Variants in NRXN3 observed in about 807,000 individuals in gnomAD.
NRXN3 encodes neurexin III.
Under a neutral mutation model 137.6 loss-of-function variants are expected in NRXN3, and 32 were observed. The ratio of observed to expected loss-of-function variants is 0.23; its 90% CI spans 0.18 to 0.31. The LOEUF (loss-of-function observed/expected upper bound fraction) is 0.31, where lower values mean the gene tolerates loss of function less well. NRXN3 is among the 10% of genes least tolerant of loss of function. The pLI, the probability that NRXN3 is intolerant of heterozygous loss-of-function variation, is 1.00. For synonymous variants in NRXN3, 798 were observed against 784.5 expected, an observed-to-expected ratio of 1.02 and a Z score of -0.29; for missense variants, 1,574 against 2,062.5, an observed-to-expected ratio of 0.76 and a Z score of 4.59.
At chr14:79,850,173 T>C (rs1250291791) in intron 20 of NRXN3, among the ~76,000 whole-genome samples, 1 of 152,218 alleles carries the variant, frequency 6.6e-6, no homozygotes, top group Non-Finnish European at 1.5e-5. Flanking sequence ...TAGGTATTTG[T>C]TATGCCAACT....
At chr14:78,286,454 T>C (rs1350066575) in intron 3 of NRXN3, among the ~76,000 whole-genome samples, 5 of 152,082 alleles carry the variant, frequency 3.3e-5, no homozygotes, top group Admixed American at 3.3e-4. Context: ...TGGGACAGCC[T>C]TGGAGACCCT....
intron 10 of NRXN3, among the ~76,000 whole-genome samples, chr14:78,948,721 G>A (rs775435689): frequency 3.5e-4 from 51 of 147,750 alleles, no homozygotes; most frequent in Non-Finnish European, 5.9e-4. Context: ...GAAAGCCCAG[G>A]TTATACTCTT....
intron 16 of NRXN3, among the ~76,000 whole-genome samples, chr14:79,644,659 G>A (rs2098446111): frequency 7.4e-6 from 1 of 136,026 alleles, no homozygotes; most frequent in East Asian, 1.9e-4. Context: ...TCTATCGAAG[G>A]TTTTTAAGAT....
chr14:79,255,269 C>G (rs1355809447), intron 15 of NRXN3, among the ~76,000 whole-genome samples: 2 of 152,240 alleles, frequency 1.3e-5, no homozygotes, highest in African/African-American at 4.8e-5. Context: ...GGCATTTCCA[C>G]AGTATTCTAG....
intron 4 of NRXN3, among the ~76,000 whole-genome samples, chr14:78,450,161 A>G (rs1049752848): frequency 2.6e-5 from 4 of 152,238 alleles, no homozygotes; most frequent in Non-Finnish European, 5.9e-5. Context: ...GGGTATAGGT[A>G]TTAGAGGTGT....
chr14:78,320,388 C>T (rs553847913), intron 4 of NRXN3, among the ~76,000 whole-genome samples: 2 of 152,244 alleles, frequency 1.3e-5, no homozygotes, highest in East Asian at 3.9e-4. Context: ...GTGGAGTGGG[C>T]GTTAATCTCC....
intron 19 of NRXN3, among the ~76,000 whole-genome samples, chr14:79,725,409 G>A (rs2098878813): frequency 6.6e-6 from 1 of 152,152 alleles, no homozygotes; most frequent in Non-Finnish European, 1.5e-5. Flanking sequence ...CTTACCATCA[G>A]TGTGGTTTCC....
intron 10 of NRXN3, among the ~76,000 whole-genome samples, chr14:78,898,156 A>G (rs1390829456): frequency 1.3e-5 from 2 of 151,914 alleles, no homozygotes; most frequent in Non-Finnish European, 2.9e-5. Flanking sequence ...GGATTTCTAA[A>G]TGGAGTCAGC....
intron 20 of NRXN3, among the ~76,000 whole-genome samples, chr14:79,858,141 ACT>A (rs2099406686): frequency 7.2e-6 from 1 of 138,788 alleles, no homozygotes; most frequent in African/African-American, 2.7e-5. Flanking sequence ...AAATGTGGTT[ACT>A]CTTTTTTTTT....
At chr14:79,366,101 C>T (rs2093883509) in intron 15 of NRXN3, among the ~76,000 whole-genome samples, 1 of 151,968 alleles carries the variant, frequency 6.6e-6, no homozygotes, top group South Asian at 2.1e-4. Context: ...GGGTTCAGTC[C>T]GGGATACTTG....
chr14:78,869,526 A>G (rs2099096268), intron 10 of NRXN3, among the ~76,000 whole-genome samples: 1 of 152,110 alleles, frequency 6.6e-6, no homozygotes, highest in Admixed American at 6.6e-5. Flanking sequence ...TCTCATGATG[A>G]GCCATTCTGT....
chr14:78,202,610 G>C (rs1414272634), intron 1 of NRXN3, among the ~76,000 whole-genome samples: 1 of 152,160 alleles, frequency 6.6e-6, no homozygotes, highest in Non-Finnish European at 1.5e-5. Flanking sequence ...TGGGCTTTCT[G>C]TTTCTATGTG....
intron 15 of NRXN3, among the ~76,000 whole-genome samples, chr14:79,369,954 T>C (rs1190771863): frequency 6.6e-6 from 1 of 152,202 alleles, no homozygotes; most frequent in Non-Finnish European, 1.5e-5. Flanking sequence ...CAGTACACTT[T>C]CCGTATATGG....
intron 1 of NRXN3, among the ~76,000 whole-genome samples, chr14:78,228,258 G>A (rs1487830486): frequency 6.7e-6 from 1 of 150,200 alleles, no homozygotes; most frequent in Admixed American, 6.7e-5. Flanking sequence ...CCAGGTTCAA[G>A]CGATTCTCCT....
chr14:79,061,937 C>T (rs1317116403), intron 15 of NRXN3, among the ~76,000 whole-genome samples: 1 of 152,170 alleles, frequency 6.6e-6, no homozygotes, highest in Non-Finnish European at 1.5e-5. Flanking sequence ...CCAGAGACTC[C>T]AGCTCCACTT....
intron 4 of NRXN3, among the ~76,000 whole-genome samples, chr14:78,571,179 GT>G (rs957516765): frequency 6.6e-6 from 1 of 152,180 alleles, no homozygotes; most frequent in Non-Finnish European, 1.5e-5. Context: ...ACTAATAATG[GT>G]TTTTAGAGCA....
intron 4 of NRXN3, among the ~76,000 whole-genome samples, chr14:78,492,378 A>G (rs1310857848): frequency 1.3e-5 from 2 of 152,224 alleles, no homozygotes. Flanking sequence ...AAGACATTCT[A>G]ACATTCTAAA....
rs538643957 is a variant in NRXN3, at chr14:79,057,319, A to G, written c.3262+69178A>G. Among the ~76,000 whole-genome samples the G allele has an allele frequency of 3.9e-5, 6 of 152,328 alleles. No individual in the cohort carries two copies. In the East Asian group the frequency reaches 7.7e-4, roughly 20 times the overall value. ...GAGTGATCAAATACGTAAGGTGATA[A>G]TTGTGGATATGTTTCGATATCAGAA... is the stretch of plus-strand genomic sequence containing the variant. On this transcript the variant is annotated intron_variant, in intron 15 of 20. Coordinates refer to ENST00000335750, the MANE Select transcript of NRXN3 (RefSeq NM_001330195.2).
chr14:78,222,330 A>T (rs1053796244), intron 1 of NRXN3, among the ~76,000 whole-genome samples: 19 of 144,696 alleles, frequency 1.3e-4, no homozygotes, highest in Non-Finnish European at 1.5e-4. Context: ...ACACACACAC[A>T]CATACACACA....
Sources: allele counts gnomAD v4.1 joint callset (sites outside exome capture counted in the v4.1 genomes callset), GRCh38; gene constraint gnomAD v4.1.1; transcripts MANE v1.5; gene names NCBI Gene and HGNC (gene_info 2026-07-23, HGNC 2026-07-21).